Variants in ZNF445 observed in about 807,000 individuals in gnomAD.
The protein encoded by ZNF445 is zinc finger protein 445.
In ZNF445, 19 loss-of-function variants were observed where a neutral mutation model predicts 93.9. The ratio of observed to expected loss-of-function variants is 0.20; its 90% CI spans 0.14 to 0.30. The LOEUF is 0.30. Ranked by LOEUF, ZNF445 falls within the 10% of genes least tolerant of loss-of-function variation. The pLI is 1.00. For synonymous variants in ZNF445, 449 were observed against 446.3 expected, an observed-to-expected ratio of 1.01 and a Z score of -0.08; for missense variants, 1,058 against 1,259.4, an observed-to-expected ratio of 0.84 and a Z score of 2.42.
At chr3:44,469,630 G>A (rs1393376142) in intron 1 of ZNF445, among the ~76,000 whole-genome samples, 2 of 151,958 alleles carry the variant, frequency 1.3e-5, no homozygotes, top group Admixed American at 6.6e-5. Context: ...TTAGCCAGGC[G>A]TGGAGACGTA....
chr3:44,436,516 G>T lies in ZNF445; in HGVS notation c.*10059C>A, dbSNP rs1697683037. On this transcript the variant is annotated 3_prime_UTR_variant, in exon 8 of 8. Coordinates refer to ENST00000396077, the MANE Select transcript of ZNF445 (RefSeq NM_181489.6). Reference sequence around the variant, plus strand: ...TCCTCTGGACCCTCCCTGGGTGGGTGAGCAGGTATTTACATGATAAATACT... The same window carrying T: ...TCCTCTGGACCCTCCCTGGGTGGGTTAGCAGGTATTTACATGATAAATACT... 6.6e-6 allele frequency: 1 copy of T among 152,212 alleles called. No individual in the cohort carries two copies. The highest frequency in any genetic ancestry group is 2.4e-5 in the African/African-American group (1 of 41,448). The allele number at this position is 152,212 out of a possible 1,614,324, so 9.4% of individuals were successfully genotyped here.
chr3:44,457,659 A>G (rs935249060), intron 2 of ZNF445, among the ~76,000 whole-genome samples: 1 of 152,142 alleles, frequency 6.6e-6, no homozygotes, highest in Non-Finnish European at 1.5e-5. Flanking sequence ...CTAAAAGCAA[A>G]ATAAGGAAAA....
At chr3:44,470,991 T>A (rs1235225713) in intron 1 of ZNF445, among the ~76,000 whole-genome samples, 3 of 146,442 alleles carry the variant, frequency 2.0e-5, no homozygotes, top group African/African-American at 2.5e-5. Flanking sequence ...AAACACAACA[T>A]GCAAAACAAA....
Position 44,446,512 on chromosome 3 carries a change from T to A in ZNF445, c.*63A>T. ...TATCAAAGTTACTCCACAATGCCTATAATTAAGGGTTCTCTAGCAGGGGAC... is the reference window on the plus strand; with the variant it reads ...TATCAAAGTTACTCCACAATGCCTAAAATTAAGGGTTCTCTAGCAGGGGAC... On this transcript the variant is annotated 3_prime_UTR_variant, in exon 8 of 8. Coordinates refer to ENST00000396077, the MANE Select transcript of ZNF445 (RefSeq NM_181489.6). This position sits in a 1 kb window ranked among gnomAD's most constrained non-coding sequence, Gnocchi z 4.2. 6.3e-7 allele frequency: 1 copy of A among 1,597,784 alleles called. No homozygotes were observed. The highest frequency in any genetic ancestry group is 8.5e-7 in the Non-Finnish European group (1 of 1,175,212).
At chr3:44,455,819 T>C (rs544051914) in intron 2 of ZNF445, 123 bp from the exon 3 acceptor site, 11 of 380,622 alleles carry the variant, frequency 2.9e-5, no homozygotes, top group African/African-American at 1.0e-4. Flanking sequence ...CAGTATCAAG[T>C]AGACCAGAGC....
chr3:44,466,189 A>T (rs60730224), intron 1 of ZNF445, among the ~76,000 whole-genome samples: 1 of 152,058 alleles, frequency 6.6e-6, no homozygotes, highest in South Asian at 2.1e-4. Flanking sequence ...TTTAAAAAAA[A>T]TTTTTTTTGG....
Position 44,436,938 on chromosome 3 carries a change from C to A in ZNF445, c.*9637G>T, listed in dbSNP as rs1323339345. ...CCGCAAAAGGTTCCCAATCCAGACCCCAAGAGAGGGTTCTTGGATCTCGCA... is the reference window on the plus strand; with the variant it reads ...CCGCAAAAGGTTCCCAATCCAGACCACAAGAGAGGGTTCTTGGATCTCGCA... On this transcript the variant is annotated 3_prime_UTR_variant, in exon 8 of 8. Coordinates refer to ENST00000396077, the MANE Select transcript of ZNF445 (RefSeq NM_181489.6). The A allele has an allele frequency of 6.6e-6, 1 of 152,204 alleles. No individual in the cohort carries two copies. 9.4% of individuals were successfully genotyped at this position (152,204 alleles called of 1,614,324 possible).
rs1460116204 is a variant in ZNF445 at position 44,435,737 on chromosome 3, C to A, written c.*10838G>T. 1.3e-5 allele frequency: 2 copies of A among 152,118 alleles called. No homozygotes were observed. Among genetic ancestry groups the A allele is most frequent in the South Asian group, 4.1e-4 (2 of 4,824 alleles). 9.4% of individuals were successfully genotyped at this position (152,118 alleles called of 1,614,324 possible). A position where few individuals can be genotyped will look rare whatever the true frequency, so the allele number is the denominator to read the frequency against. On this transcript the variant is annotated 3_prime_UTR_variant, in exon 8 of 8. Coordinates refer to ENST00000396077, the MANE Select transcript of ZNF445 (RefSeq NM_181489.6). ...TTGTTGACTATGTCTATTCTAATTACGCATTCTAGAACCAGGGAAATAACC... is the reference window on the plus strand; with the variant it reads ...TTGTTGACTATGTCTATTCTAATTAAGCATTCTAGAACCAGGGAAATAACC...
At position 44,447,376 on chromosome 3, in the gene ZNF445, G is replaced by A; in HGVS notation, c.2295C>T (p.Ser765=). 1 of 1,614,202 alleles carries A rather than the reference G, an allele frequency of 6.2e-7. No homozygotes were observed. Among genetic ancestry groups the A allele is most frequent in the Non-Finnish European group, 8.5e-7 (1 of 1,180,040 alleles). The change falls in exon 8 of 8, where the codon AGC becomes AGT. Residue 765 remains serine (S), a synonymous_variant. Transcript: ENST00000396077. This position sits in a 1 kb window ranked among gnomAD's most constrained non-coding sequence, Gnocchi z 4.7. The stretch of plus-strand genomic sequence containing the variant: ...GATTGCGGAAGGCCTTGCCACACTG[G>A]CTGCATTTGTAGGGCTCCTCTTTGG... ...SHSKEEPYKC[S]QCGKAFRNHS... is the part of the protein sequence containing the mutation.
At chr3:44,453,715 C>T (rs112766915) in intron 3 of ZNF445, among the ~76,000 whole-genome samples, 30 of 152,320 alleles carry the variant, frequency 2.0e-4, no homozygotes, top group Non-Finnish European at 3.5e-4. Context: ...GAAGAACGAA[C>T]GCACTTGAAC....
chr3:44,467,052 T>G (rs900078035), intron 1 of ZNF445, among the ~76,000 whole-genome samples: 19 of 152,184 alleles, frequency 1.2e-4, no homozygotes, highest in Admixed American at 1.2e-3. Context: ...AGTGCCAGTC[T>G]CAGATAACTT....
Position 44,448,271 on chromosome 3 carries a change from C to A in ZNF445, c.1400G>T (p.Ser467Ile), listed in dbSNP as rs750616124. ...NKKDVCGKDFSLSSHHQRGQS... is the reference protein window; with the variant it reads ...NKKDVCGKDFILSSHHQRGQS... ...CCCACGTTGGTGATGAGAGCTAAGG[C>A]TGAAGTCTTTTCCACACACGTCCTT... Residue 467 changes from serine to isoleucine, a missense_variant, in exon 8 of 8, where the codon AGC (serine) becomes ATC (isoleucine). Ser to Ile is a moderately radical substitution (Grantham distance 142). This residue lies in a region of ZNF445 where 657 missense variants were observed against 746.4 expected (regional missense o/e 0.88). Transcript: ENST00000396077. 4 of 1,614,170 alleles carry A rather than the reference C, an allele frequency of 2.5e-6. No individual in the cohort carries two copies. The highest frequency in any genetic ancestry group is 3.4e-6 in the Non-Finnish European group (4 of 1,180,030).
chr3:44,440,633 G>A lies in ZNF445; in HGVS notation c.*5942C>T, dbSNP rs1392687596. ...AAAGCGGTCGTGATCCAGTCCCCAA[G>A]AGAGAGTTCTTGGACCTTGCTCAAG... On this transcript the variant is annotated 3_prime_UTR_variant, in exon 8 of 8. Transcript: ENST00000396077. 6.6e-6 allele frequency: 1 copy of A among 152,210 alleles called. No individual in the cohort carries two copies. Among genetic ancestry groups the A allele is most frequent in the Non-Finnish European group, 1.5e-5 (1 of 68,044 alleles). 9.4% of individuals were successfully genotyped at this position (152,210 alleles called of 1,614,324 possible).
chr3:44,461,640 C>A (rs1698115578), intron 1 of ZNF445, among the ~76,000 whole-genome samples: 1 of 152,182 alleles, frequency 6.6e-6, no homozygotes, highest in Admixed American at 6.5e-5. Context: ...TCCTTTCCCA[C>A]CTGGTATGGA....
In ZNF445 at chr3:44,446,603, C is replaced by T; in HGVS notation, c.3068G>A (p.Arg1023Gln). Residue 1023 changes from arginine to glutamine, a missense_variant, in exon 8 of 8, where the codon CGG becomes CAG. Physicochemically the swap from Arg to Gln is conservative, Grantham distance 43. Around this residue, in one of 3 missense-constraint regions of ZNF445, gnomAD observed 387 missense variants for 475.7 expected, o/e 0.81. Transcript: ENST00000396077. The surrounding 1 kb of genome is among the most constrained non-coding windows in gnomAD (Gnocchi z 4.2). ...ATCTCTAATATGGTTTTTCATATGCCGAGCCAGGTTCGAAGACCACCTGAA... is the reference window on the plus strand; with the variant it reads ...ATCTCTAATATGGTTTTTCATATGCTGAGCCAGGTTCGAAGACCACCTGAA... ...KTFRWSSNLA[R>Q]HMKNHIRD 4 of 1,614,192 alleles carry T rather than the reference C, an allele frequency of 2.5e-6. No individual in the cohort carries two copies. The highest frequency in any genetic ancestry group is 1.1e-5 in the South Asian group (1 of 91,084).
At chr3:44,477,431 TG>T (rs1698381742) in intron 1 of ZNF445, among the ~76,000 whole-genome samples, 159 bp downstream of exon 1, 1 of 151,738 alleles carries the variant, frequency 6.6e-6, no homozygotes. Context: ...GCCCTCAGCG[TG>T]GCGGGGGCGG....
At chr3:44,457,233 A>G (rs1366942353) in intron 2 of ZNF445, among the ~76,000 whole-genome samples, 2 of 152,016 alleles carry the variant, frequency 1.3e-5, no homozygotes, top group Non-Finnish European at 2.9e-5. Flanking sequence ...TCACATCACT[A>G]TGTAGAGGAG....
chr3:44,443,940 A>AC lies in ZNF445; in HGVS notation c.*2634dup, dbSNP rs1491343100. 1 of 152,098 alleles carries AC rather than the reference A, an allele frequency of 6.6e-6. No homozygotes were observed. The highest frequency in any genetic ancestry group is 2.4e-5 in the African/African-American group (1 of 41,378). The allele number at this position is 152,098 out of a possible 1,614,324, so 9.4% of individuals were successfully genotyped here. A position where few individuals can be genotyped will look rare whatever the true frequency, so the allele number is the denominator to read the frequency against. On this transcript the variant is annotated 3_prime_UTR_variant, in exon 8 of 8. Coordinates refer to ENST00000396077, the MANE Select transcript of ZNF445 (RefSeq NM_181489.6). The stretch of plus-strand genomic sequence containing the variant: ...GATTGCTTGAGCCCAGGAGTTTGAG[A>AC]CCAGCATGAGCAACATGGGAAAAAA...
chr3:44,448,874 A>G (rs1697917500), intron 7 of ZNF445, 135 bp from the exon 8 acceptor site: 1 of 1,073,302 alleles, frequency 9.3e-7, no homozygotes, highest in African/African-American at 1.6e-5. Context: ...ATAGTCAAAC[A>G]TAAGGCAAAA....
Sources: gnomAD v4.1 joint callset for allele counts (sites outside exome capture counted in the v4.1 genomes callset) on GRCh38, gnomAD v4.1.1 for gene constraint, gnomAD v4.1.1 regional missense constraint, Gnocchi (gnomAD v3.1) non-coding constraint, MANE v1.5 for transcripts, NCBI Gene and HGNC (gene_info 2026-07-23, HGNC 2026-07-21) for gene names.